The following INPP5B variants were observed in gnomAD, a reference collection of about 807,000 sequenced individuals.
INPP5B encodes the protein type II inositol 1,4,5-trisphosphate 5-phosphatase.
Under a neutral mutation model 118.5 loss-of-function variants are expected in INPP5B, and 90 were observed. The ratio of observed to expected loss-of-function variants is 0.76; its 90% confidence interval spans 0.64 to 0.90. The LOEUF is 0.90. Ranked by LOEUF, INPP5B falls within the 40% of genes least tolerant of loss-of-function variation. The probability of loss-of-function intolerance (pLI) is 0.00; values close to 1 mark genes in which losing one functional copy is unlikely to be tolerated. For synonymous variants in INPP5B, 385 were observed against 418.9 expected, an observed-to-expected ratio of 0.92 and a Z score of 0.99; for missense variants, 984 against 1,125.6, an observed-to-expected ratio of 0.87 and a Z score of 1.80.
In INPP5B at chr1:37,862,290, A is replaced by G; in HGVS notation, c.*25T>C. ...GGTGGGGCTGGTAATTGGCAGCCTC[A>G]AGTAAAATAGGAGGAGAGAGAGGCT... On this transcript the variant is annotated 3_prime_UTR_variant, in exon 24 of 24. Coordinates refer to ENST00000373024, the MANE Select transcript of INPP5B (RefSeq NM_005540.3). 1 of 1,499,168 alleles carries G rather than the reference A, an allele frequency of 6.7e-7. No individual in the cohort carries two copies. Among genetic ancestry groups the G allele is most frequent in the Admixed American group, 1.7e-5 (1 of 59,614 alleles). 92.9% of individuals were successfully genotyped at this position (1,499,168 alleles called of 1,614,324 possible). A position where few individuals can be genotyped will look rare whatever the true frequency, so the allele number is the denominator to read the frequency against.
intron 6 of INPP5B, among the ~76,000 whole-genome samples, chr1:37,939,148 C>T (rs1645813247): frequency 6.8e-6 from 1 of 146,228 alleles, no homozygotes; most frequent in South Asian, 2.2e-4. Flanking sequence ...GAGCCAAGGT[C>T]GTACCACCAC....
At chr1:37,946,719 T>C (rs1646123286) in intron 1 of INPP5B, among the ~76,000 whole-genome samples, 2 of 152,118 alleles carry the variant, frequency 1.3e-5, no homozygotes, top group South Asian at 4.1e-4. Flanking sequence ...TGCTAGCGCC[T>C]CTCTGGGAGG....
At chr1:37,879,507 A>T (rs1338122042) in intron 15 of INPP5B, among the ~76,000 whole-genome samples, 1 of 151,834 alleles carries the variant, frequency 6.6e-6, no homozygotes, top group Non-Finnish European at 1.5e-5. Context: ...CACTAATAAA[A>T]ATATTAACTA....
chr1:37,938,439 A>G (rs1202003302), intron 6 of INPP5B, among the ~76,000 whole-genome samples: 1 of 152,120 alleles, frequency 6.6e-6, no homozygotes, highest in Non-Finnish European at 1.5e-5. Context: ...AGAGGGGAAA[A>G]ACATTTTCTG....
At chr1:37,896,189 T>C (rs1161500611) in intron 7 of INPP5B, among the ~76,000 whole-genome samples, 1 of 137,826 alleles carries the variant, frequency 7.3e-6, no homozygotes, top group African/African-American at 2.8e-5. Context: ...GTGAGGAGCG[T>C]CTCTGCCCGG....
rs1642970196 is a variant in INPP5B, at chr1:37,878,338, C to T, written c.1542-15G>A. ...GGCACTTCTCACTGAAATGCAAAGT[C>T]CACACTGGAAGTACTCACAGAAACA... On this transcript the variant is annotated splice_polypyrimidine_tract_variant and intron_variant, in intron 15 of 23. Transcript: ENST00000373024. The T allele has an allele frequency of 1.2e-6, 2 of 1,613,566 alleles. No homozygotes were observed. The highest frequency in any genetic ancestry group is 1.7e-6 in the Non-Finnish European group (2 of 1,179,666).
Position 37,864,294 on chromosome 1 carries a change from A to T in INPP5B, c.2626+18T>A. 1 of 1,385,902 alleles carries T rather than the reference A, an allele frequency of 7.2e-7. No homozygotes were observed. The highest frequency in any genetic ancestry group is 1.0e-6 in the Non-Finnish European group (1 of 976,820). 85.9% of individuals were successfully genotyped at this position (1,385,902 alleles called of 1,614,324 possible). A position where few individuals can be genotyped will look rare whatever the true frequency, so the allele number is the denominator to read the frequency against. The stretch of plus-strand genomic sequence containing the variant: ...CTCAGTTTGCAGAAATGCTTTCCAT[A>T]GACATTTGGCTGCTTACCTAGAATA... On this transcript the variant is annotated intron_variant, in intron 23 of 23. Coordinates refer to ENST00000373024, the MANE Select transcript of INPP5B (RefSeq NM_005540.3).
At chr1:37,886,670 G>A (rs1176148967) in intron 12 of INPP5B, among the ~76,000 whole-genome samples, 1 of 152,242 alleles carries the variant, frequency 6.6e-6, no homozygotes, top group Non-Finnish European at 1.5e-5. Flanking sequence ...TAGTGTTGGG[G>A]AATATGAGGA....
chr1:37,942,668 G>A (rs2148697911), intron 5 of INPP5B, among the ~76,000 whole-genome samples: 1 of 152,256 alleles, frequency 6.6e-6, no homozygotes, highest in Non-Finnish European at 1.5e-5. Context: ...CAGCACTTTG[G>A]GAGGCCAAGG....
In INPP5B at chr1:37,939,054, C is replaced by A. The variant is rs540944575; in HGVS notation, c.391+1634G>T. On this transcript the variant is annotated intron_variant, in intron 6 of 23. Transcript: ENST00000373024. Reference sequence around the variant, plus strand: ...ACCAAAAATCCAAAAATCAGCTGGGCGTGGTGGTGGGCGCCAGTAATCCCA... The same window carrying A: ...ACCAAAAATCCAAAAATCAGCTGGGAGTGGTGGTGGGCGCCAGTAATCCCA... Among the ~76,000 whole-genome samples the A allele has an allele frequency of 1.2e-3, 184 of 151,998 alleles. 1 individual carries two copies. In the Middle Eastern group the frequency reaches 0.034, roughly 28 times the overall value.
chr1:37,916,320 C>G (rs1447716460), intron 7 of INPP5B, among the ~76,000 whole-genome samples: 1 of 152,024 alleles, frequency 6.6e-6, no homozygotes, highest in Non-Finnish European at 1.5e-5. Context: ...TCTCGAACTC[C>G]TGACCTCAAG....
At chr1:37,938,543 A>G (rs1431819715) in intron 6 of INPP5B, among the ~76,000 whole-genome samples, 1 of 152,182 alleles carries the variant, frequency 6.6e-6, no homozygotes, top group Non-Finnish European at 1.5e-5. Context: ...AGAAGCCTAC[A>G]AAAACTAAAG....
chr1:37,885,557 C>G, intron 13 of INPP5B, 81 bp downstream of exon 13: 1 of 1,236,218 alleles, frequency 8.1e-7, no homozygotes, highest in Non-Finnish European at 1.2e-6. Flanking sequence ...AAACCACCAC[C>G]AGGCATCTCC....
At position 37,932,042 on chromosome 1, in the gene INPP5B, C is replaced by T; in HGVS notation, c.403G>A (p.Ala135Thr). The T allele has an allele frequency of 6.3e-7, 1 of 1,597,908 alleles. No individual in the cohort carries two copies. The highest frequency in any genetic ancestry group is 8.5e-7 in the Non-Finnish European group (1 of 1,171,064). ...CACAGGAATTCAGGATCCCGGGTCG[C>T]AGAATCGAAGCCTGTGCAGGAACAA... is the stretch of plus-strand genomic sequence containing the variant. Reference protein sequence around the residue: ...VARACPGFDSATRDPEFLWLS... With the variant: ...VARACPGFDSTTRDPEFLWLS... The change falls in exon 7 of 24, where the codon GCG (alanine) becomes ACG (threonine). Residue 135 changes from alanine to threonine, a missense_variant. This residue lies in a region of INPP5B where 350 missense variants were observed against 334.6 expected (regional missense o/e 1.05). Transcript: ENST00000373024.
chr1:37,861,386 G>T lies in INPP5B; in HGVS notation c.*929C>A, dbSNP rs1482210540. 1 of 152,236 alleles carries T rather than the reference G, an allele frequency of 6.6e-6. No homozygotes were observed. Among genetic ancestry groups the T allele is most frequent in the Non-Finnish European group, 1.5e-5 (1 of 68,068 alleles). The allele number at this position is 152,236 out of a possible 1,614,324, so 9.4% of individuals were successfully genotyped here. On this transcript the variant is annotated 3_prime_UTR_variant, in exon 24 of 24. Transcript: ENST00000373024. ...GATCATGGGGATCTCAGCCCAGACT[G>T]ACTATGCCCTGGAGGTAGGGTGAGT...
chr1:37,887,439 T>A lies in INPP5B; in HGVS notation c.926A>T (p.Glu309Val). 3 of 1,612,842 alleles carry A rather than the reference T, an allele frequency of 1.9e-6. No homozygotes were observed. The highest frequency in any genetic ancestry group is 2.5e-6 in the Non-Finnish European group (3 of 1,179,188). ...TGGGGTATCGTGAAAGAAAAAAGCT[T>A]CCTTACTCAGATCAAGCTCCTGGAA... ...VGFQELDLSKEAFFFHDTPKE... is the reference protein window; with the variant it reads ...VGFQELDLSKVAFFFHDTPKE... Residue 309 changes from glutamate to valine, a missense_variant, in exon 11 of 24, where the codon GAA becomes GTA. Around this residue, in one of 2 missense-constraint regions of INPP5B, gnomAD observed 634 missense variants for 791.0 expected, o/e 0.80. Coordinates refer to ENST00000373024, the MANE Select transcript of INPP5B (RefSeq NM_005540.3).
chr1:37,866,663 C>T, intron 20 of INPP5B, 120 bp from the exon 21 acceptor site: 1 of 672,042 alleles, frequency 1.5e-6, no homozygotes, highest in East Asian at 2.7e-5. Flanking sequence ...GCCTCTGAAT[C>T]ACCTGACAGA....
At chr1:37,922,500 T>C (rs1260610211) in intron 7 of INPP5B, among the ~76,000 whole-genome samples, 1 of 151,506 alleles carries the variant, frequency 6.6e-6, no homozygotes, top group Non-Finnish European at 1.5e-5. Context: ...TTGAGACCAT[T>C]CTGGCTAACA....
rs1381956927 is a variant in INPP5B at position 37,866,376 on chromosome 1, TCA to T, written c.2386+81_2386+82del. 4 of 724,856 alleles carry T rather than the reference TCA, an allele frequency of 5.5e-6. No individual in the cohort carries two copies. The East Asian group carries it at 7.6e-5, about 14-fold the overall frequency. The allele number at this position is 724,856 out of a possible 1,614,324, so 44.9% of individuals were successfully genotyped here. On this transcript the variant is annotated intron_variant, in intron 21 of 23. Transcript: ENST00000373024. ...AATACTTTACTTTTTCTCACCCCTC[TCA>T]CTCATATTCTCTCTCTCTCTCTCTC...
Sources: gnomAD v4.1 joint callset for allele counts (sites outside exome capture counted in the v4.1 genomes callset) on GRCh38, gnomAD v4.1.1 for gene constraint, gnomAD v4.1.1 regional missense constraint, MANE v1.5 for transcripts, NCBI Gene and HGNC (gene_info 2026-07-23, HGNC 2026-07-21) for gene names.